The following CADM1 variants were observed in gnomAD, a reference collection of about 807,000 sequenced individuals.
CADM1 encodes cell adhesion molecule 1, also known as TSLC-1.
CADM1 carries 15 observed loss-of-function variants against 53.1 expected under a neutral mutation model. The ratio of observed to expected loss-of-function variants is 0.28; its 90% CI spans 0.19 to 0.44. CADM1 has a LOEUF of 0.44. Among genes scored for constraint, CADM1 ranks in the 20% least tolerant of loss-of-function variants. CADM1 has a pLI of 1.00. For synonymous variants in CADM1, 281 were observed against 243.0 expected (o/e 1.16, Z -1.45); for missense variants, 434 against 611.3 (o/e 0.71, Z 3.06).
At chr11:115,419,603 C>T (rs1285595044) in intron 1 of CADM1, among the ~76,000 whole-genome samples, 1 of 152,134 alleles carries the variant, frequency 6.6e-6, no homozygotes, top group Non-Finnish European at 1.5e-5. Flanking sequence ...TTCATAAAGC[C>T]AATACCCCAT....
chr11:115,205,137 A>T (rs1378044276), intron 8 of CADM1, among the ~76,000 whole-genome samples: 1 of 152,074 alleles, frequency 6.6e-6, no homozygotes, highest in African/African-American at 2.4e-5. Context: ...CTCCAGGTTG[A>T]ACTCCTCCCA....
intron 1 of CADM1, among the ~76,000 whole-genome samples, chr11:115,332,719 A>G (rs1227890981): frequency 6.6e-6 from 1 of 152,158 alleles, no homozygotes; most frequent in Non-Finnish European, 1.5e-5. Context: ...GCCTCCACTG[A>G]GCAGAAGGTA....
At chr11:115,296,945 G>A (rs11215472) in intron 1 of CADM1, among the ~76,000 whole-genome samples, 17,067 of 152,194 alleles carry the variant, frequency 0.11, 1,078 homozygotes, top group South Asian at 0.27. Context: ...ATAAATCAGT[G>A]AATTAAATTC....
At chr11:115,312,575 G>A (rs1944560231) in intron 1 of CADM1, among the ~76,000 whole-genome samples, 1 of 152,116 alleles carries the variant, frequency 6.6e-6, no homozygotes, top group Non-Finnish European at 1.5e-5. Flanking sequence ...TCAAGGAAGA[G>A]TATATTTAAA....
intron 1 of CADM1, among the ~76,000 whole-genome samples, chr11:115,262,687 T>C (rs1943012412): frequency 6.6e-6 from 1 of 152,208 alleles, no homozygotes; most frequent in Non-Finnish European, 1.5e-5. Context: ...CAAATACTTC[T>C]TGAGTGAACA....
intron 1 of CADM1, among the ~76,000 whole-genome samples, chr11:115,267,295 G>A (rs1384717408): frequency 6.6e-6 from 1 of 152,186 alleles, no homozygotes; most frequent in Admixed American, 6.5e-5. Flanking sequence ...ACAAACTTTC[G>A]ATTTGTTTGG....
In CADM1 at chr11:115,175,327, A is replaced by G; in HGVS notation, c.*1147T>C. 1 of 985,346 alleles carries G rather than the reference A, an allele frequency of 1.0e-6. No individual in the cohort carries two copies. Among genetic ancestry groups the G allele is most frequent in the Non-Finnish European group, 1.2e-6 (1 of 829,790 alleles). 61.0% of individuals were successfully genotyped at this position (985,346 alleles called of 1,614,324 possible). On this transcript the variant is annotated 3_prime_UTR_variant, in exon 12 of 12. Transcript: ENST00000331581. ...CCAGCATGACAAATATCTGTAATAT[A>G]CAGTACATGCAGGCCACATCCTACT...
chr11:115,369,510 C>T (rs1459121763), intron 1 of CADM1, among the ~76,000 whole-genome samples: 8 of 151,732 alleles, frequency 5.3e-5, no homozygotes, highest in South Asian at 2.1e-4. Flanking sequence ...ATTTTAAAGC[C>T]GGGAAGAAAA....
intron 1 of CADM1, among the ~76,000 whole-genome samples, chr11:115,435,622 A>T (rs1383199361): frequency 1.3e-5 from 2 of 152,250 alleles, no homozygotes; most frequent in African/African-American, 2.4e-5. Context: ...AGTCCCAGCT[A>T]CTCAGGAGGC....
intron 1 of CADM1, among the ~76,000 whole-genome samples, chr11:115,328,998 C>A (rs890038837): frequency 1.3e-5 from 2 of 150,740 alleles, no homozygotes; most frequent in African/African-American, 4.9e-5. Context: ...CTTTAATAAA[C>A]CTTCAATAAA....
chr11:115,420,143 C>G (rs1457709288), intron 1 of CADM1, among the ~76,000 whole-genome samples: 3 of 152,120 alleles, frequency 2.0e-5, no homozygotes, highest in African/African-American at 4.8e-5. Flanking sequence ...TCTTAAGCTC[C>G]TTTTCTCCTT....
intron 4 of CADM1, 41 bp downstream of exon 4, chr11:115,231,312 A>C (rs1281297319): frequency 3.7e-6 from 6 of 1,610,772 alleles, no homozygotes; most frequent in African/African-American, 1.3e-5. Context: ...TATCTGCTAG[A>C]ATCAGCTAAC....
At chr11:115,202,968 A>G (rs1434843191) in intron 8 of CADM1, among the ~76,000 whole-genome samples, 1 of 151,518 alleles carries the variant, frequency 6.6e-6, no homozygotes, top group Non-Finnish European at 1.5e-5. Flanking sequence ...TTTTCTTTCC[A>G]TCTATGTTAT....
intron 5 of CADM1, among the ~76,000 whole-genome samples, chr11:115,225,910 A>G (rs1275189158): frequency 6.6e-6 from 1 of 152,194 alleles, no homozygotes; most frequent in Non-Finnish European, 1.5e-5. Flanking sequence ...AGATGGGGAT[A>G]AAGAGAGGTT....
At chr11:115,432,949 T>G (rs1948093114) in intron 1 of CADM1, among the ~76,000 whole-genome samples, 1 of 152,344 alleles carries the variant, frequency 6.6e-6, no homozygotes, top group East Asian at 1.9e-4. Context: ...CCTATCTTCC[T>G]AGTCACAACC....
intron 1 of CADM1, among the ~76,000 whole-genome samples, chr11:115,444,072 G>A (rs1257435228): frequency 6.6e-6 from 1 of 151,870 alleles, no homozygotes; most frequent in African/African-American, 2.4e-5. Flanking sequence ...AAAGAAATAC[G>A]GCTCCATGCA....
intron 1 of CADM1, among the ~76,000 whole-genome samples, chr11:115,455,767 C>A (rs1948670725): frequency 6.6e-6 from 1 of 152,208 alleles, no homozygotes; most frequent in African/African-American, 2.4e-5. Context: ...ATGTGGCCAA[C>A]ATGGTGAAGT....
intron 1 of CADM1, among the ~76,000 whole-genome samples, chr11:115,281,816 T>C: frequency 6.6e-6 from 1 of 152,122 alleles, no homozygotes; most frequent in South Asian, 2.1e-4. Context: ...AAACAACTGA[T>C]GTGCAAAAGG....
At chr11:115,462,754 C>T (rs888497912) in intron 1 of CADM1, among the ~76,000 whole-genome samples, 3 of 152,170 alleles carry the variant, frequency 2.0e-5, no homozygotes, top group Non-Finnish European at 2.9e-5. Context: ...GGCTGGGAGC[C>T]TATTTCCCTG....
Sources: gnomAD v4.1 joint callset for allele counts (sites outside exome capture counted in the v4.1 genomes callset) on GRCh38, gnomAD v4.1.1 for gene constraint, MANE v1.5 for transcripts, NCBI Gene and HGNC (gene_info 2026-07-23, HGNC 2026-07-21) for gene names.